Variants in TCP11L1 observed in about 807,000 individuals in gnomAD.
TCP11L1 encodes the protein t-complex 11 like 1.
In TCP11L1, 28 loss-of-function variants were observed where a neutral mutation model predicts 48.9. That is an observed-to-expected ratio of 0.57 (90% CI 0.42 to 0.78). TCP11L1 has a LOEUF of 0.78. Ranked by LOEUF, TCP11L1 falls within the 30% of genes least tolerant of loss-of-function variation. The pLI is 0.00. For synonymous variants in TCP11L1, 204 were observed against 231.9 expected (o/e 0.88, Z 1.09); for missense variants, 505 against 613.4 (o/e 0.82, Z 1.87).
chr11:33,058,224 A>G lies in TCP11L1; in HGVS notation c.638+85A>G, dbSNP rs1854368953. On this transcript the variant is annotated intron_variant, in intron 5 of 9. Transcript: ENST00000334274. ...TTCTTTTCTTTTTTTTTTGAGACAG[A>G]GTCTCACTCTGTTGCAAAGGCTGGA... The G allele has an allele frequency of 3.2e-6, 4 of 1,253,180 alleles. No individual in the cohort carries two copies. The South Asian group carries it at 6.4e-5, about 20-fold the overall frequency. The allele number at this position is 1,253,180 out of a possible 1,614,324, so 77.6% of individuals were successfully genotyped here.
intron 2 of TCP11L1, among the ~76,000 whole-genome samples, chr11:33,050,139 C>T (rs190856207): frequency 1.3e-5 from 2 of 152,334 alleles, no homozygotes; most frequent in Non-Finnish European, 2.9e-5. Flanking sequence ...CAGGTCTCTG[C>T]TGTGAGCACA....
At chr11:33,041,489 G>A (rs1457810509) in intron 1 of TCP11L1, among the ~76,000 whole-genome samples, 1 of 152,162 alleles carries the variant, frequency 6.6e-6, no homozygotes, top group Admixed American at 6.5e-5. Flanking sequence ...AGTGGCTCAC[G>A]CCTATAATCC....
intron 1 of TCP11L1, among the ~76,000 whole-genome samples, chr11:33,043,235 GGA>G (rs1491201382): frequency 4.0e-5 from 3 of 75,248 alleles, no homozygotes; most frequent in Non-Finnish European, 9.7e-5. Context: ...AACTCCATCT[GGA>G]AAAAAAAAAA....
At chr11:33,049,781 G>A (rs531537833) in intron 2 of TCP11L1, among the ~76,000 whole-genome samples, 2 of 152,300 alleles carry the variant, frequency 1.3e-5, no homozygotes, top group Non-Finnish European at 2.9e-5. Flanking sequence ...CCAGGGATGA[G>A]CAGGAGACAG....
Position 33,072,846 on chromosome 11 carries a change from C to T in TCP11L1, c.*170C>T. The T allele has an allele frequency of 2.8e-6, 2 of 707,008 alleles. No individual in the cohort carries two copies. Among genetic ancestry groups the T allele is most frequent in the Non-Finnish European group, 4.7e-6 (2 of 429,538 alleles). 43.8% of individuals were successfully genotyped at this position (707,008 alleles called of 1,614,324 possible). A position where few individuals can be genotyped will look rare whatever the true frequency, so the allele number is the denominator to read the frequency against. ...TTGAAAAGACTTGTTGAGAAATCCA[C>T]TGAATTCTATTTTGAGAGATTGTAT... On this transcript the variant is annotated 3_prime_UTR_variant, in exon 10 of 10. Transcript: ENST00000334274.
intron 1 of TCP11L1, among the ~76,000 whole-genome samples, chr11:33,041,599 A>G (rs541586417): frequency 6.6e-6 from 1 of 152,132 alleles, no homozygotes; most frequent in African/African-American, 2.4e-5. Flanking sequence ...AAAAATACGA[A>G]AATTAGCGAG....
chr11:33,040,649 A>C (rs1252429504), intron 1 of TCP11L1: 1 of 152,196 alleles, frequency 6.6e-6, no homozygotes, highest in East Asian at 1.9e-4. Context: ...TTAAAATAAA[A>C]ACTAGCACTT....
rs75547419 is a variant in TCP11L1, at chr11:33,053,021, T to C, written c.164-1572T>C. On this transcript the variant is annotated intron_variant, in intron 2 of 9. Transcript: ENST00000334274. ...AAAATAGAAAAATAAAAAATGCAGA[T>C]TCTTTGGCCCTGCTCCAGAGCTGCT... is the stretch of plus-strand genomic sequence containing the variant. 1.7e-3 allele frequency among the ~76,000 whole-genome samples: 257 copies of C among 152,092 alleles called. 6 individuals carry two copies. In the East Asian group the frequency reaches 0.022, roughly 13 times the overall value.
chr11:33,065,910 G>T lies in TCP11L1; in HGVS notation c.1053G>T (p.Leu351=), dbSNP rs1460424818. ...EQLTILGAVL[L]VTFSMAAPGI... ...TGACCATCCTGGGGGCTGTGTTGCT[G>T]GTCACCTTCAGCATGGCAGCGCCAG... The change falls in exon 8 of 10, where the codon CTG becomes CTT. Residue 351 remains leucine, a synonymous_variant. Transcript: ENST00000334274. The T allele has an allele frequency of 6.2e-7, 1 of 1,614,222 alleles. No individual in the cohort carries two copies. The highest frequency in any genetic ancestry group is 1.3e-5 in the African/African-American group (1 of 75,066).
At chr11:33,050,982 T>C (rs1284689326) in intron 2 of TCP11L1, among the ~76,000 whole-genome samples, 1 of 152,098 alleles carries the variant, frequency 6.6e-6, no homozygotes, top group Non-Finnish European at 1.5e-5. Context: ...CCTGGCTAAT[T>C]GTATTTTTTG....
chr11:33,043,509 T>C (rs1235696407), intron 1 of TCP11L1, among the ~76,000 whole-genome samples: 1 of 152,216 alleles, frequency 6.6e-6, no homozygotes, highest in African/African-American at 2.4e-5. Flanking sequence ...AGGACAAAAA[T>C]ATTCCAACTA....
At chr11:33,061,153 G>T (rs918550649) in intron 6 of TCP11L1, among the ~76,000 whole-genome samples, 1 of 151,904 alleles carries the variant, frequency 6.6e-6, no homozygotes, top group Non-Finnish European at 1.5e-5. Context: ...ACAGAGCCTT[G>T]CCACATTGCC....
intron 5 of TCP11L1, among the ~76,000 whole-genome samples, chr11:33,058,562 A>AG (rs1039818942): frequency 6.6e-6 from 1 of 151,994 alleles, no homozygotes; most frequent in Non-Finnish European, 1.5e-5. Context: ...AAAAAAAAAA[A>AG]ATTTGTAAAA....
At chr11:33,053,776 A>G (rs1854231612) in intron 2 of TCP11L1, among the ~76,000 whole-genome samples, 1 of 152,182 alleles carries the variant, frequency 6.6e-6, no homozygotes, top group Non-Finnish European at 1.5e-5. Flanking sequence ...GCATTGTTTA[A>G]ACAGCACCAT....
At chr11:33,051,716 C>G (rs1477553896) in intron 2 of TCP11L1, among the ~76,000 whole-genome samples, 3 of 152,102 alleles carry the variant, frequency 2.0e-5, no homozygotes, top group African/African-American at 7.2e-5. Context: ...GCTTCAGCCT[C>G]CCAAAGTACA....
chr11:33,053,777 AC>A (rs1441159867), intron 2 of TCP11L1, among the ~76,000 whole-genome samples: 1 of 152,166 alleles, frequency 6.6e-6, no homozygotes, highest in Non-Finnish European at 1.5e-5. Context: ...CATTGTTTAA[AC>A]AGCACCATCG....
At chr11:33,040,875 C>T (rs1019169404) in intron 1 of TCP11L1, 4 of 152,260 alleles carry the variant, frequency 2.6e-5, no homozygotes, top group African/African-American at 4.8e-5. Context: ...TTCTCAATCT[C>T]CTCCCAGGCA....
At chr11:33,064,261 G>A (rs1055075028) in intron 7 of TCP11L1, among the ~76,000 whole-genome samples, 1 of 152,204 alleles carries the variant, frequency 6.6e-6, no homozygotes, top group Admixed American at 6.5e-5. Flanking sequence ...CTCACGTCCT[G>A]CTGTTGGGAA....
In TCP11L1 at chr11:33,043,894, A is replaced by G. The variant is rs754291466; in HGVS notation, c.121A>G (p.Lys41Glu). Residue 41 changes from lysine to glutamate, a missense_variant, in exon 2 of 10, where the codon AAG becomes GAG. By Grantham distance (56) the Lys-to-Glu change is moderately conservative. This residue lies in a region of TCP11L1 where 168 missense variants were observed against 183.5 expected (regional missense o/e 0.92). Transcript: ENST00000334274. ...GADEALQKAI[K>E]SDSSSPQRVQ... is the part of the protein sequence containing the mutation. ...TGATGAAGCCTTACAAAAAGCAATA[A>G]AGTCAGACTCCTCCAGCCCCCAAAG... 2.5e-6 allele frequency: 4 copies of G among 1,613,642 alleles called. No individual in the cohort carries two copies. The Admixed American group carries it at 6.7e-5, about 27-fold the overall frequency.
Sources: gnomAD v4.1 joint callset for allele counts (sites outside exome capture counted in the v4.1 genomes callset) on GRCh38, gnomAD v4.1.1 for gene constraint, gnomAD v4.1.1 regional missense constraint, MANE v1.5 for transcripts, NCBI Gene and HGNC (gene_info 2026-07-23, HGNC 2026-07-21) for gene names.